AGMO: variants seen among roughly 807,000 people sequenced by gnomAD.
AGMO encodes the protein glyceryl-ether monooxygenase.
AGMO carries 75 observed loss-of-function variants against 60.2 expected under a neutral mutation model. The ratio of observed to expected loss-of-function variants is 1.25; its 90% CI spans 1.03 to 1.51. The LOEUF is 1.51. AGMO is among the 40% of genes most tolerant of loss of function. The pLI, the probability that AGMO is intolerant of heterozygous loss-of-function variation, is 0.00. For synonymous variants in AGMO, 261 were observed against 177.1 expected, an observed-to-expected ratio of 1.47 and a Z score of -3.76; for missense variants, 763 against 525.5, an observed-to-expected ratio of 1.45 and a Z score of -4.42.
Position 15,512,514 on chromosome 7 carries a change from A to C in AGMO, c.409+32258T>G, listed in dbSNP as rs188999278. 3.3e-5 allele frequency among the ~76,000 whole-genome samples: 5 copies of C among 152,234 alleles called. No homozygotes were observed. In the East Asian group the frequency reaches 9.7e-4, roughly 29 times the overall value. On this transcript the variant is annotated intron_variant, in intron 3 of 12. Transcript: ENST00000342526. ...TCAATCCACCCTCCTCGGCCTCCCA[A>C]AGTGCTGAGATTACAGGCGTGAACC...
chr7:15,350,103 T>C (rs1782185493), intron 12 of AGMO, among the ~76,000 whole-genome samples: 2 of 152,146 alleles, frequency 1.3e-5, no homozygotes, highest in Admixed American at 6.6e-5. Context: ...CCTCACAATG[T>C]TAATTCATAA....
intron 12 of AGMO, among the ~76,000 whole-genome samples, chr7:15,322,547 A>AAT (rs1563086263): frequency 4.5e-5 from 2 of 44,818 alleles, no homozygotes; most frequent in Admixed American, 4.3e-4. Context: ...TATATATATA[A>AAT]ATATATATAA....
intron 2 of AGMO, among the ~76,000 whole-genome samples, chr7:15,553,356 A>ATAAAT (rs1333085880): frequency 2.0e-5 from 3 of 151,902 alleles, no homozygotes; most frequent in Non-Finnish European, 2.9e-5. Context: ...ATAAAATAAA[A>ATAAAT]TAGAAAAAAA....
chr7:15,545,031 A>G (rs1194809250), intron 2 of AGMO, 108 bp from the exon 3 acceptor site: 1 of 790,628 alleles, frequency 1.3e-6, no homozygotes, highest in African/African-American at 1.8e-5. Flanking sequence ...TAAAAAAATG[A>G]AACTCTTTCT....
intron 3 of AGMO, among the ~76,000 whole-genome samples, chr7:15,467,041 A>G (rs1240748207): frequency 6.6e-6 from 1 of 152,190 alleles, no homozygotes; most frequent in Non-Finnish European, 1.5e-5. Context: ...TACTGTTGCA[A>G]TAATATCCTA....
At chr7:15,211,062 G>GAA (rs200743957) in intron 12 of AGMO, among the ~76,000 whole-genome samples, 82 of 150,548 alleles carry the variant, frequency 5.4e-4, no homozygotes, top group African/African-American at 1.8e-3. Context: ...TAAAACAAAA[G>GAA]AAAAAAAAAC....
Position 15,390,659 on chromosome 7 carries a change from C to A in AGMO, c.822+12G>T. ...ATATAAATGAAGAAAGAATAAAAAA[C>A]AAGTATGTTACCTGCACTTTGATTG... On this transcript the variant is annotated intron_variant, in intron 8 of 12. Coordinates refer to ENST00000342526, the MANE Select transcript of AGMO (RefSeq NM_001004320.2). 2 of 1,546,268 alleles carry A rather than the reference C, an allele frequency of 1.3e-6. No individual in the cohort carries two copies. Among genetic ancestry groups the A allele is most frequent in the Middle Eastern group, 3.4e-4 (2 of 5,860 alleles).
At chr7:15,180,758 GT>G in the AGMO span, among the ~76,000 whole-genome samples, 1 of 152,142 alleles carries the variant, frequency 6.6e-6, no homozygotes, top group South Asian at 2.1e-4. Context: ...CTACTTCTCA[GT>G]ATTTATTTTC....
At chr7:15,260,823 A>G (rs530939808) in intron 12 of AGMO, among the ~76,000 whole-genome samples, 77 of 152,254 alleles carry the variant, frequency 5.1e-4, no homozygotes, top group African/African-American at 1.9e-3. Context: ...ACTCTCTCTG[A>G]CCACAGCGGA....
chr7:15,530,407 CTATA>C (rs1033710842), intron 3 of AGMO, among the ~76,000 whole-genome samples: 4 of 130,476 alleles, frequency 3.1e-5, no homozygotes, highest in African/African-American at 1.1e-4. Flanking sequence ...ATACGTATTT[CTATA>C]TATATTCTAA....
In AGMO at chr7:15,266,431, G is replaced by A. The variant is rs149815210; in HGVS notation, c.1264-65072C>T. Reference sequence around the variant, plus strand: ...AAAAGTAATTTTAACAACTTCAAAGGGCTCATGTGAAAGATTTCTTTCTTA... The same window carrying A: ...AAAAGTAATTTTAACAACTTCAAAGAGCTCATGTGAAAGATTTCTTTCTTA... On this transcript the variant is annotated intron_variant, in intron 12 of 12. Coordinates refer to ENST00000342526, the MANE Select transcript of AGMO (RefSeq NM_001004320.2). 1.3e-3 allele frequency among the ~76,000 whole-genome samples: 192 copies of A among 151,952 alleles called. 1 individual carries two copies. Among genetic ancestry groups the A allele is most frequent in the Middle Eastern group, 6.8e-3 (2 of 294 alleles).
Position 15,469,383 on chromosome 7 carries a change from G to A in AGMO, c.410-38275C>T, listed in dbSNP as rs185639105. On this transcript the variant is annotated intron_variant, in intron 3 of 12. Transcript: ENST00000342526. ...ATGTTTATATAAAGTTAAAGCATAT[G>A]TAAAAACAAAACAGCAACAACTAAA... 2.6e-4 allele frequency among the ~76,000 whole-genome samples: 39 copies of A among 152,196 alleles called. No individual in the cohort carries two copies. In the East Asian group the frequency reaches 6.0e-3, roughly 23 times the overall value.
intron 2 of AGMO, among the ~76,000 whole-genome samples, chr7:15,546,155 T>C (rs1035242961): frequency 1.3e-5 from 2 of 152,198 alleles, no homozygotes; most frequent in Non-Finnish European, 2.9e-5. Context: ...TGTGATTTAA[T>C]ATCTTTAAAA....
chr7:15,395,622 G>A (rs1784341733), intron 5 of AGMO, among the ~76,000 whole-genome samples: 1 of 152,066 alleles, frequency 6.6e-6, no homozygotes, highest in African/African-American at 2.4e-5. Flanking sequence ...AAGAAAAAAG[G>A]ACAACTGATG....
intron 12 of AGMO, among the ~76,000 whole-genome samples, chr7:15,279,966 A>G (rs1196391601): frequency 6.6e-6 from 1 of 152,198 alleles, no homozygotes; most frequent in East Asian, 1.9e-4. Context: ...GGGGCCTTGA[A>G]GAAGTCTGCC....
intron 12 of AGMO, among the ~76,000 whole-genome samples, chr7:15,278,033 C>G (rs964099055): frequency 1.3e-5 from 2 of 152,116 alleles, no homozygotes; most frequent in Non-Finnish European, 2.9e-5. Context: ...TATCATACCC[C>G]TGGTCCCAGG....
intron 12 of AGMO, among the ~76,000 whole-genome samples, chr7:15,326,296 T>C (rs565485680): frequency 7.2e-5 from 11 of 152,190 alleles, no homozygotes; most frequent in Non-Finnish European, 1.6e-4. Context: ...GATTACTTAC[T>C]GAAAATGACA....
chr7:15,317,880 T>TACACACGTATATATATAC (rs1780978099), intron 12 of AGMO, among the ~76,000 whole-genome samples: 1 of 149,192 alleles, frequency 6.7e-6, no homozygotes, highest in African/African-American at 2.5e-5. Context: ...TATATATATA[T>TACACACGTATATATATAC]ACACACGTAT....
chr7:15,390,275 G>T (rs1201039472), intron 8 of AGMO, among the ~76,000 whole-genome samples: 1 of 152,080 alleles, frequency 6.6e-6, no homozygotes, highest in East Asian at 1.9e-4. Flanking sequence ...TAACACAAAG[G>T]CCTCACGATG....
Sources: gnomAD v4.1 joint callset for allele counts (sites outside exome capture counted in the v4.1 genomes callset) on GRCh38, gnomAD v4.1.1 for gene constraint, MANE v1.5 for transcripts, NCBI Gene and HGNC (gene_info 2026-07-23, HGNC 2026-07-21) for gene names.